Variants in CACNA1G observed in about 807,000 individuals in gnomAD.
CACNA1G encodes the protein calcium voltage-gated channel subunit alpha1 G, also known as voltage-dependent T-type calcium channel subunit alpha-1G.
CACNA1G carries 67 observed loss-of-function variants against 219.4 expected under a neutral mutation model. The ratio of observed to expected loss-of-function variants is 0.31; its 90% confidence interval spans 0.25 to 0.37. The LOEUF is 0.37. Ranked by LOEUF, CACNA1G falls within the 10% of genes least tolerant of loss-of-function variation. The probability of loss-of-function intolerance (pLI) is 1.00; values close to 1 mark genes in which losing one functional copy is unlikely to be tolerated. For synonymous variants in CACNA1G, 1,296 were observed against 1,345.3 expected (o/e 0.96, Z 0.80); for missense variants, 2,380 against 3,231.4 (o/e 0.74, Z 6.39).
chr17:50,572,576 C>A lies in CACNA1G; in HGVS notation c.769C>A (p.Arg257Ser). The A allele has an allele frequency of 6.4e-7, 1 of 1,563,472 alleles. No individual in the cohort carries two copies. Among genetic ancestry groups the A allele is most frequent in the South Asian group, 1.2e-5 (1 of 82,416 alleles). The change falls in exon 6 of 38, where the codon CGC (arginine) becomes AGC (serine). Residue 257 changes from arginine to serine, a missense_variant. Physicochemically the swap from Arg to Ser is moderately radical, Grantham distance 110. Around this residue, in one of 17 missense-constraint regions of CACNA1G, gnomAD observed 68 missense variants for 85.3 expected, o/e 0.80. Transcript: ENST00000359106. ...CAGCCCCCTGAGCGTGGACCTGGAG[C>A]GCTATTACCAGACAGAGAACGAGGA... ...FSLPLSVDLE[R>S]YYQTENEDES...
intron 17 of CACNA1G, 21 bp downstream of exon 17, chr17:50,599,880 G>A: frequency 1.3e-6 from 2 of 1,597,086 alleles, no homozygotes; most frequent in Non-Finnish European, 8.5e-7. Context: ...TGTGGGCACA[G>A]TGACCCCTCA....
Position 50,596,615 on chromosome 17 carries a change from T to G in CACNA1G, c.3033T>G (p.Asp1011Glu). 1 of 1,613,890 alleles carries G rather than the reference T, an allele frequency of 6.2e-7. No homozygotes were observed. The highest frequency in any genetic ancestry group is 8.5e-7 in the Non-Finnish European group (1 of 1,179,832). The change falls in exon 15 of 38, where the codon GAT (aspartate) becomes GAG (glutamate). Residue 1011 changes from aspartate to glutamate, a missense_variant. By Grantham distance (45) the Asp-to-Glu change is conservative (BLOSUM62 2). Transcript: ENST00000359106. This position sits in a 1 kb window ranked among gnomAD's most constrained non-coding sequence, Gnocchi z 4.8. ...CCGATTTCTTCTCACCCAGCCTGGATGGTGATGGGGACAGGAAGAAGTGCT... is the reference window on the plus strand; with the variant it reads ...CCGATTTCTTCTCACCCAGCCTGGAGGGTGATGGGGACAGGAAGAAGTGCT... ...SEPDFFSPSL[D>E]GDGDRKKCLA... is the part of the protein sequence containing the mutation.
rs1345461327 is a variant in CACNA1G at position 50,571,001 on chromosome 17, G to A, written c.587-877G>A. On this transcript the variant is annotated intron_variant, in intron 4 of 37. Transcript: ENST00000359106. The surrounding 1 kb of genome is among the most constrained non-coding windows in gnomAD (Gnocchi z 4.3). ...GCCATTAGAGATCTGTCTGCTTGAC[G>A]AGGGCTTGGCGGACTGGGGGCTGGT... 2.6e-5 allele frequency among the ~76,000 whole-genome samples: 4 copies of A among 152,218 alleles called. No homozygotes were observed. The highest frequency in any genetic ancestry group is 4.4e-5 in the Non-Finnish European group (3 of 68,042).
intron 28 of CACNA1G, among the ~76,000 whole-genome samples, chr17:50,616,797 C>T (rs1369112251): frequency 6.6e-6 from 1 of 152,198 alleles, no homozygotes; most frequent in Admixed American, 6.5e-5. Flanking sequence ...ATAGTATCCA[C>T]ATCACAGAGT....
intron 1 of CACNA1G, 105 bp downstream of exon 1, chr17:50,561,806 A>C: frequency 4.6e-6 from 1 of 217,164 alleles, no homozygotes; most frequent in Non-Finnish European, 6.4e-6. Context: ...AGTCGAAGTG[A>C]GCCCGGAGGG....
chr17:50,626,594 G>A lies in CACNA1G; in HGVS notation c.6977G>A (p.Ser2326Asn), dbSNP rs546393701. ...AGCCAAGGTCCTCGGACCCCGCCCA[G>A]CCCTGGTATCTGCCTCCGGAGGAGG... ...PESQGPRTPPSPGICLRRRAP... is the reference protein window; with the variant it reads ...PESQGPRTPPNPGICLRRRAP... Residue 2326 changes from serine (S) to asparagine (N), a missense_variant, in exon 38 of 38, where the codon AGC becomes AAC. Physicochemically the swap from Ser to Asn is conservative, Grantham distance 46. This residue lies in a region of CACNA1G where 672 missense variants were observed against 670.5 expected (regional missense o/e 1.00). Transcript: ENST00000359106. This position sits in a 1 kb window ranked among gnomAD's most constrained non-coding sequence, Gnocchi z 4.3. 2.3e-4 allele frequency: 366 copies of A among 1,610,924 alleles called. 1 individual carries two copies. In the South Asian group the frequency reaches 3.7e-3, roughly 16 times the overall value.
At chr17:50,573,485 T>A (rs1339534731) in intron 7 of CACNA1G, 3 of 188,384 alleles carry the variant, frequency 1.6e-5, no homozygotes, top group African/African-American at 7.0e-5. Context: ...TTAATAGCTT[T>A]ATTGAGACAT....
chr17:50,614,278 C>G (rs1040752822), intron 26 of CACNA1G, among the ~76,000 whole-genome samples: 1 of 152,216 alleles, frequency 6.6e-6, no homozygotes, highest in Non-Finnish European at 1.5e-5. Context: ...CCCCCTGGCT[C>G]AGGCCTCAGA....
At chr17:50,579,106 C>T (rs2041353986) in intron 9 of CACNA1G, among the ~76,000 whole-genome samples, 1 of 152,164 alleles carries the variant, frequency 6.6e-6, no homozygotes, top group East Asian at 1.9e-4. Context: ...CGTCTGGGAG[C>T]CGTGCTGTGA....
At chr17:50,619,116 G>A (rs975199225) in intron 33 of CACNA1G, 108 bp downstream of exon 33, 3 of 838,136 alleles carry the variant, frequency 3.6e-6, no homozygotes, top group East Asian at 5.4e-5. Context: ...GGCTCCTCCT[G>A]GAGGCTCCCG....
intron 9 of CACNA1G, among the ~76,000 whole-genome samples, chr17:50,588,722 T>C (rs1019397563): frequency 6.6e-6 from 1 of 151,964 alleles, no homozygotes; most frequent in Non-Finnish European, 1.5e-5. Flanking sequence ...CGACAGCCAC[T>C]CCCCCTCTGC....
chr17:50,597,517 C>G (rs542936874), intron 16 of CACNA1G, among the ~76,000 whole-genome samples: 36 of 152,240 alleles, frequency 2.4e-4, no homozygotes, highest in Admixed American at 4.6e-4. Flanking sequence ...TTGACAAATA[C>G]TAATTGTGTA....
chr17:50,579,276 T>C (rs532762539), intron 9 of CACNA1G, among the ~76,000 whole-genome samples: 2 of 152,238 alleles, frequency 1.3e-5, no homozygotes, highest in South Asian at 4.1e-4. Flanking sequence ...AGGGCTGTCA[T>C]GTGGAAGAGG....
Position 50,618,630 on chromosome 17 carries a change from C to T in CACNA1G, c.5428-25C>T. ...CTCCAACAACTGTCCTCCCCAGCCTCACCCCTCTATTCCACCCTCCCCAGG... is the reference window on the plus strand; with the variant it reads ...CTCCAACAACTGTCCTCCCCAGCCTTACCCCTCTATTCCACCCTCCCCAGG... On this transcript the variant is annotated intron_variant, in intron 32 of 37. Transcript: ENST00000359106. This position sits in a 1 kb window ranked among gnomAD's most constrained non-coding sequence, Gnocchi z 5.3. 4 of 1,554,780 alleles carry T rather than the reference C, an allele frequency of 2.6e-6. No homozygotes were observed. Among genetic ancestry groups the T allele is most frequent in the South Asian group, 1.1e-5 (1 of 89,088 alleles).
intron 36 of CACNA1G, 106 bp from the exon 37 acceptor site, chr17:50,624,254 T>G: frequency 2.4e-6 from 3 of 1,267,356 alleles, no homozygotes; most frequent in Non-Finnish European, 3.4e-6. Context: ...GAGGCCCTGA[T>G]GAGGGGGAGA....
At chr17:50,569,118 T>C in intron 2 of CACNA1G, 47 bp from the exon 3 acceptor site, 1 of 1,601,058 alleles carries the variant, frequency 6.2e-7, no homozygotes, top group Non-Finnish European at 8.5e-7. Flanking sequence ...TAGAGGGTAT[T>C]CCCTCACCCA....
At chr17:50,592,263 G>A (rs1475097673) in intron 13 of CACNA1G, among the ~76,000 whole-genome samples, 171 bp downstream of exon 13, 2 of 152,168 alleles carry the variant, frequency 1.3e-5, no homozygotes, top group Non-Finnish European at 1.5e-5. Context: ...TCCAGATCTC[G>A]TGCAGCCCCT....
chr17:50,567,392 CAG>C (rs1345629447), intron 1 of CACNA1G, among the ~76,000 whole-genome samples: 3 of 151,896 alleles, frequency 2.0e-5, no homozygotes, highest in African/African-American at 4.8e-5. Flanking sequence ...GGAGGGCTGT[CAG>C]GGGTTTGAGG....
At chr17:50,580,885 G>A (rs1047214698) in intron 9 of CACNA1G, among the ~76,000 whole-genome samples, 4 of 152,172 alleles carry the variant, frequency 2.6e-5, no homozygotes, top group South Asian at 4.1e-4. Context: ...CAGGCACTGC[G>A]GCGTGAACGT....
Sources: gnomAD v4.1 joint callset for allele counts (sites outside exome capture counted in the v4.1 genomes callset) on GRCh38, gnomAD v4.1.1 for gene constraint, gnomAD v4.1.1 regional missense constraint, Gnocchi (gnomAD v3.1) non-coding constraint, MANE v1.5 for transcripts, NCBI Gene and HGNC (gene_info 2026-07-23, HGNC 2026-07-21) for gene names.